Variants in GRM7 observed in about 807,000 individuals in gnomAD.
The protein encoded by GRM7 is metabotropic glutamate receptor 7.
A neutral mutation model predicts 84.5 loss-of-function variants in GRM7; 35 were observed. The ratio of observed to expected loss-of-function variants is 0.41; its 90% CI spans 0.32 to 0.55. GRM7 has a LOEUF of 0.55. Ranked by LOEUF, GRM7 falls within the 20% of genes least tolerant of loss-of-function variation. GRM7 has a pLI of 0.19. For synonymous variants in GRM7, 487 were observed against 455.1 expected (o/e 1.07, Z -0.89); for missense variants, 1,003 against 1,194.6 (o/e 0.84, Z 2.36).
At chr3:7,362,152 G>C (rs1365083393) in intron 4 of GRM7, among the ~76,000 whole-genome samples, 1 of 152,058 alleles carries the variant, frequency 6.6e-6, no homozygotes, top group Non-Finnish European at 1.5e-5. Context: ...TTGAAATGCT[G>C]CTTTATAATA....
At position 7,727,860 on chromosome 3, in the gene GRM7, A is replaced by G. The variant is rs1322711285; in HGVS notation, c.2699-12497A>G. The stretch of plus-strand genomic sequence containing the variant: ...CATCTCCCATGGCCAAGATCCCAAC[A>G]TACACAGTCCTTGGGACATTCTAGC... On this transcript the variant is annotated intron_variant, in intron 9 of 9. Coordinates refer to ENST00000357716, the MANE Select transcript of GRM7 (RefSeq NM_000844.4). Among the ~76,000 whole-genome samples the G allele has an allele frequency of 2.6e-5, 4 of 152,180 alleles. 1 individual carries two copies. Among genetic ancestry groups the G allele is most frequent in the Admixed American group, 2.0e-4 (3 of 15,284 alleles).
At chr3:7,238,482 T>C (rs1697424972) in intron 2 of GRM7, among the ~76,000 whole-genome samples, 1 of 152,196 alleles carries the variant, frequency 6.6e-6, no homozygotes, top group Non-Finnish European at 1.5e-5. Context: ...AGTTCTCATG[T>C]TGTCTAATAA....
At chr3:7,420,902 A>T (rs1696365704) in intron 5 of GRM7, among the ~76,000 whole-genome samples, 2 of 152,194 alleles carry the variant, frequency 1.3e-5, no homozygotes, top group African/African-American at 4.8e-5. Context: ...TTAATATAGG[A>T]TTCTTCAAGT....
chr3:7,402,183 C>T (rs1293483103), intron 4 of GRM7, among the ~76,000 whole-genome samples: 1 of 152,138 alleles, frequency 6.6e-6, no homozygotes, highest in African/African-American at 2.4e-5. Context: ...TCCTGGTTGA[C>T]AGGAATTGGT....
chr3:7,385,446 G>A (rs373053832), intron 4 of GRM7, among the ~76,000 whole-genome samples: 81 of 151,656 alleles, frequency 5.3e-4, no homozygotes, highest in African/African-American at 1.5e-3. Context: ...GATTACAGGC[G>A]CTCACCACCA....
At chr3:7,194,291 C>T (rs1434364641) in intron 2 of GRM7, among the ~76,000 whole-genome samples, 1 of 152,078 alleles carries the variant, frequency 6.6e-6, no homozygotes, top group African/African-American at 2.4e-5. Flanking sequence ...CCTAATTTCT[C>T]CTCATTGAAA....
intron 7 of GRM7, among the ~76,000 whole-genome samples, chr3:7,566,759 A>C (rs1459386200): frequency 6.6e-6 from 1 of 152,182 alleles, no homozygotes; most frequent in African/African-American, 2.4e-5. Flanking sequence ...TAAAAAAAAA[A>C]ATTCTGAAGA....
intron 9 of GRM7, among the ~76,000 whole-genome samples, chr3:7,706,167 A>T (rs1434909202): frequency 2.0e-5 from 3 of 152,228 alleles, no homozygotes; most frequent in Non-Finnish European, 4.4e-5. Context: ...CTAGACATAG[A>T]AAAAACAAGT....
At chr3:7,178,221 C>T (rs1038975486) in intron 2 of GRM7, among the ~76,000 whole-genome samples, 1 of 152,190 alleles carries the variant, frequency 6.6e-6, no homozygotes, top group Non-Finnish European at 1.5e-5. Context: ...AATTAAATTA[C>T]TCTGAAAGTA....
chr3:7,666,428 T>C (rs1415736246), intron 8 of GRM7, among the ~76,000 whole-genome samples: 1 of 152,186 alleles, frequency 6.6e-6, no homozygotes, highest in Non-Finnish European at 1.5e-5. Context: ...CTTTGAAGGA[T>C]GTCTTACATC....
intron 8 of GRM7, among the ~76,000 whole-genome samples, chr3:7,665,376 C>T (rs1377862141): frequency 2.0e-5 from 3 of 151,840 alleles, no homozygotes; most frequent in African/African-American, 4.8e-5. Context: ...GGGGTTTCAC[C>T]GTGTTAGCCA....
chr3:7,199,984 G>A (rs1348939494), intron 2 of GRM7, among the ~76,000 whole-genome samples: 1 of 152,220 alleles, frequency 6.6e-6, no homozygotes, highest in African/African-American at 2.4e-5. Context: ...AGGCTGGGAA[G>A]TTCAAGTGCA....
chr3:7,708,934 C>T (rs1459376948), intron 9 of GRM7, among the ~76,000 whole-genome samples: 1 of 151,432 alleles, frequency 6.6e-6, no homozygotes, highest in Non-Finnish European at 1.5e-5. Context: ...TGTGTATGCA[C>T]ACACAACTGA....
At chr3:7,562,509 G>A (rs558897345) in intron 7 of GRM7, among the ~76,000 whole-genome samples, 138 of 152,060 alleles carry the variant, frequency 9.1e-4, no homozygotes, top group African/African-American at 3.1e-3. Flanking sequence ...AATTGAGAGC[G>A]TTTGCAACCC....
At chr3:7,345,851 G>A (rs940760172) in intron 4 of GRM7, among the ~76,000 whole-genome samples, 1 of 151,644 alleles carries the variant, frequency 6.6e-6, no homozygotes, top group Non-Finnish European at 1.5e-5. Context: ...AATCAATTTG[G>A]AAGATGTTTT....
chr3:6,873,941 A>T (rs186264826), intron 1 of GRM7, among the ~76,000 whole-genome samples: 1 of 152,234 alleles, frequency 6.6e-6, no homozygotes, highest in South Asian at 2.1e-4. Flanking sequence ...TGAAATATTC[A>T]TACATCAGAA....
chr3:7,081,061 C>G (rs1036156226), intron 1 of GRM7, among the ~76,000 whole-genome samples: 1 of 152,010 alleles, frequency 6.6e-6, no homozygotes, highest in Non-Finnish European at 1.5e-5. Context: ...GCTTCTCCCC[C>G]CTTGTTGTCT....
intron 7 of GRM7, among the ~76,000 whole-genome samples, chr3:7,539,932 A>G (rs1464092923): frequency 1.3e-5 from 2 of 152,198 alleles, no homozygotes; most frequent in South Asian, 2.1e-4. Context: ...CCTTGACTTC[A>G]TCAGTAATAA....
At chr3:7,436,757 G>A (rs1048733600) in intron 5 of GRM7, among the ~76,000 whole-genome samples, 11 of 152,060 alleles carry the variant, frequency 7.2e-5, no homozygotes, top group Non-Finnish European at 1.6e-4. Context: ...TTTTCAGCCT[G>A]GACTTCTCTG....
Sources: gnomAD v4.1 joint callset for allele counts (sites outside exome capture counted in the v4.1 genomes callset) on GRCh38, gnomAD v4.1.1 for gene constraint, MANE v1.5 for transcripts, NCBI Gene and HGNC (gene_info 2026-07-23, HGNC 2026-07-21) for gene names.